The following DPY19L3 variants were observed in gnomAD, a reference collection of about 807,000 sequenced individuals.
DPY19L3 encodes dpy-19 like C-mannosyltransferase 3.
Under a neutral mutation model 92.3 loss-of-function variants are expected in DPY19L3, and 51 were observed. That is an observed-to-expected ratio of 0.55 (90% confidence interval 0.44 to 0.70). The LOEUF (loss-of-function observed/expected upper bound fraction) is 0.70. DPY19L3 is among the 30% of genes least tolerant of loss of function. The pLI is 0.00. For missense variants in DPY19L3, 706 were observed against 855.9 expected (o/e 0.82, Z 2.18); for synonymous variants, 309 against 315.2 (o/e 0.98, Z 0.21).
chr19:32,446,014 T>G lies in DPY19L3; in HGVS notation c.855+6104T>G, dbSNP rs1207179796. ...AAACTTCGTCTCAAAAAAAAAAAAT[T>G]ATATTTGATAGCTGAAGCAAAAATT... On this transcript the variant is annotated intron_variant, in intron 8 of 18. Coordinates refer to ENST00000392250, the MANE Select transcript of DPY19L3 (RefSeq NM_001172774.2). Among the ~76,000 whole-genome samples the G allele has an allele frequency of 2.4e-4, 37 of 152,010 alleles. 1 individual carries two copies. The highest frequency in any genetic ancestry group is 2.4e-3 in the Admixed American group (37 of 15,256).
intron 8 of DPY19L3, among the ~76,000 whole-genome samples, chr19:32,447,629 T>C (rs569492953): frequency 2.0e-5 from 3 of 152,026 alleles, no homozygotes; most frequent in South Asian, 4.2e-4. Context: ...AGCAGGAGAA[T>C]CACTTGAATC....
intron 4 of DPY19L3, among the ~76,000 whole-genome samples, chr19:32,433,508 C>T (rs953891969): frequency 7.9e-5 from 12 of 152,192 alleles, no homozygotes; most frequent in Non-Finnish European, 1.5e-4. Context: ...GTCTCAATCT[C>T]CCAGCCTCAA....
chr19:32,438,915 T>A, intron 6 of DPY19L3, 197 bp from the exon 7 acceptor site: 1 of 613,808 alleles, frequency 1.6e-6, no homozygotes, highest in Non-Finnish European at 2.7e-6. Context: ...AGCACTTAAA[T>A]GTTCTCTATG....
chr19:32,445,455 A>C (rs887562133), intron 8 of DPY19L3, among the ~76,000 whole-genome samples: 1 of 149,374 alleles, frequency 6.7e-6, no homozygotes, highest in African/African-American at 2.5e-5. Flanking sequence ...AAAAAAAAAA[A>C]AAAAAACCAT....
intron 11 of DPY19L3, 22 bp downstream of exon 11, chr19:32,458,195 A>G (rs563078077): frequency 6.2e-5 from 100 of 1,604,882 alleles, no homozygotes; most frequent in African/African-American, 2.1e-4. Flanking sequence ...TTGAAAGTCT[A>G]TGTTTGCTAT....
intron 8 of DPY19L3, among the ~76,000 whole-genome samples, chr19:32,452,129 A>G (rs913542043): frequency 2.0e-5 from 3 of 152,238 alleles, no homozygotes; most frequent in Non-Finnish European, 4.4e-5. Context: ...CTTGGCCACC[A>G]GGCATTTTCA....
At chr19:32,417,194 C>A (rs904759776) in intron 3 of DPY19L3, among the ~76,000 whole-genome samples, 4 of 152,198 alleles carry the variant, frequency 2.6e-5, no homozygotes, top group Admixed American at 2.6e-4. Context: ...CAAATCTCAT[C>A]TTTAATTGTA....
intron 17 of DPY19L3, chr19:32,479,674 C>T (rs1166504614): frequency 2.6e-6 from 1 of 384,686 alleles, no homozygotes; most frequent in Non-Finnish European, 5.1e-6. Flanking sequence ...CCACATTCAA[C>T]ACCTCACACA....
chr19:32,426,462 G>A (rs140662882), intron 3 of DPY19L3, among the ~76,000 whole-genome samples: 2,601 of 152,210 alleles, frequency 0.017, 69 homozygotes, highest in African/African-American at 0.06. Flanking sequence ...CTCAACTTTC[G>A]ACATGCTTTC....
intron 2 of DPY19L3, among the ~76,000 whole-genome samples, chr19:32,410,072 T>C (rs543917299): frequency 1.3e-5 from 2 of 152,350 alleles, no homozygotes; most frequent in South Asian, 4.1e-4. Flanking sequence ...TGAAGATGTC[T>C]ATTTTTTATA....
Position 32,483,241 on chromosome 19 carries a change from C to T in DPY19L3, c.*1001C>T, listed in dbSNP as rs565083093. 34 of 152,388 alleles carry T rather than the reference C, an allele frequency of 2.2e-4. No individual in the cohort carries two copies. The highest frequency in any genetic ancestry group is 8.0e-4 in the African/African-American group (33 of 41,498). 9.4% of individuals were successfully genotyped at this position (152,388 alleles called of 1,614,324 possible). A position where few individuals can be genotyped will look rare whatever the true frequency, so the allele number is the denominator to read the frequency against. ...GCATTTTCAGACAGCATTTTCATACCAAGTTTGACTTGTGGTCTCCAATCT... is the reference window on the plus strand; with the variant it reads ...GCATTTTCAGACAGCATTTTCATACTAAGTTTGACTTGTGGTCTCCAATCT... On this transcript the variant is annotated 3_prime_UTR_variant, in exon 19 of 19. Coordinates refer to ENST00000392250, the MANE Select transcript of DPY19L3 (RefSeq NM_001172774.2).
intron 8 of DPY19L3, among the ~76,000 whole-genome samples, chr19:32,444,198 A>G (rs913219533): frequency 6.6e-6 from 1 of 152,154 alleles, no homozygotes; most frequent in Non-Finnish European, 1.5e-5. Context: ...TTCATTGAGC[A>G]ATTACGAACA....
rs538517522 is a variant in DPY19L3, at chr19:32,417,302, G to T, written c.237+5930G>T. On this transcript the variant is annotated intron_variant, in intron 3 of 18. Transcript: ENST00000392250. ...TGTGCTGTTCTCATGATAGTGTCACGAGATCTGATGGCTTTATTTATTTTA... is the reference window on the plus strand; with the variant it reads ...TGTGCTGTTCTCATGATAGTGTCACTAGATCTGATGGCTTTATTTATTTTA... Among the ~76,000 whole-genome samples the T allele has an allele frequency of 5.9e-5, 9 of 152,242 alleles. 1 individual carries two copies. The highest frequency in any genetic ancestry group is 1.9e-4 in the African/African-American group (8 of 41,546).
At chr19:32,442,604 G>A (rs891042175) in intron 8 of DPY19L3, among the ~76,000 whole-genome samples, 21 of 152,270 alleles carry the variant, frequency 1.4e-4, no homozygotes, top group African/African-American at 5.1e-4. Context: ...AGTTTCTTGG[G>A]TTTTCTTTTT....
intron 13 of DPY19L3, 37 bp downstream of exon 13, chr19:32,463,525 G>T: frequency 1.3e-6 from 2 of 1,598,518 alleles, no homozygotes; most frequent in South Asian, 2.2e-5. Context: ...CTTTTTATTT[G>T]ATCACTCTTG....
rs377036380 is a variant in DPY19L3 at position 32,463,736 on chromosome 19, G to A, written c.1446-133G>A. 9.1e-5 allele frequency: 81 copies of A among 888,668 alleles called. 1 individual carries two copies. Among genetic ancestry groups the A allele is most frequent in the East Asian group, 8.4e-4 (34 of 40,600 alleles). The allele number at this position is 888,668 out of a possible 1,614,324, so 55.0% of individuals were successfully genotyped here. ...AGTGGAGTTAAACAACGAACCCTTCGGCAAATGGCATCTGCATAGTTTTAA... is the reference window on the plus strand; with the variant it reads ...AGTGGAGTTAAACAACGAACCCTTCAGCAAATGGCATCTGCATAGTTTTAA... On this transcript the variant is annotated intron_variant, in intron 13 of 18. Transcript: ENST00000392250.
At chr19:32,443,235 C>G (rs1396288186) in intron 8 of DPY19L3, among the ~76,000 whole-genome samples, 1 of 152,226 alleles carries the variant, frequency 6.6e-6, no homozygotes, top group Non-Finnish European at 1.5e-5. Context: ...AGTACACCTT[C>G]TGCTGACCCC....
At chr19:32,478,326 T>C (rs1379563932) in intron 17 of DPY19L3, among the ~76,000 whole-genome samples, 1 of 152,174 alleles carries the variant, frequency 6.6e-6, no homozygotes, top group Non-Finnish European at 1.5e-5. Flanking sequence ...CGCCTTGAGA[T>C]GTGCAGAAGA....
rs571551127 is a variant in DPY19L3 at position 32,478,120 on chromosome 19, A to G, written c.1830+466A>G. Among the ~76,000 whole-genome samples the G allele has an allele frequency of 5.9e-5, 9 of 152,316 alleles. No individual in the cohort carries two copies. In the East Asian group the frequency reaches 1.7e-3, roughly 29 times the overall value. ...ATTTGGGTGGGGACACAGCCAAACC[A>G]TATCAGAGGGGAAATCAGAACGTAA... On this transcript the variant is annotated intron_variant, in intron 17 of 18. Transcript: ENST00000392250.
Sources: gnomAD v4.1 joint callset for allele counts (sites outside exome capture counted in the v4.1 genomes callset) on GRCh38, gnomAD v4.1.1 for gene constraint, MANE v1.5 for transcripts, NCBI Gene and HGNC (gene_info 2026-07-23, HGNC 2026-07-21) for gene names.